Variants in RABGEF1 observed in about 807,000 individuals in gnomAD.
RABGEF1 encodes rab5 GDP/GTP exchange factor.
Under a neutral mutation model 57.3 loss-of-function variants are expected in RABGEF1, and 26 were observed. The ratio of observed to expected loss-of-function variants is 0.45; its 90% CI spans 0.33 to 0.63. The LOEUF is 0.63. Among genes scored for constraint, RABGEF1 ranks in the 20% least tolerant of loss-of-function variants. The pLI is 0.02. For missense variants in RABGEF1, 464 were observed against 607.6 expected (o/e 0.76, Z 2.48); for synonymous variants, 185 against 210.7 (o/e 0.88, Z 1.06).
chr7:66,662,489 A>G, the RABGEF1 span, among the ~76,000 whole-genome samples: 1 of 152,200 alleles, frequency 6.6e-6, no homozygotes, highest in African/African-American at 2.4e-5. Context: ...TACCTGTCCC[A>G]TGCCAGCTGA....
At chr7:66,728,826 GACC>G in intron 2 of RABGEF1, among the ~76,000 whole-genome samples, 1 of 888 alleles carries the variant, frequency 1.1e-3, no homozygotes. Context: ...CCATCCTCAA[GACC>G]ACCTTCACCT....
At chr7:66,748,986 G>T in intron 1 of RABGEF1, 1 of 191,868 alleles carries the variant, frequency 5.2e-6, no homozygotes, top group Non-Finnish European at 1.1e-5. Flanking sequence ...GGTTCCCTGA[G>T]GCTCTTGGTA....
At chr7:66,732,153 A>G (rs1030874007) in intron 2 of RABGEF1, among the ~76,000 whole-genome samples, 1 of 152,144 alleles carries the variant, frequency 6.6e-6, no homozygotes, top group Admixed American at 6.5e-5. Flanking sequence ...CTCTCTTCCT[A>G]TGGTCCAGGC....
At chr7:66,751,092 G>A (rs1332163878) in intron 1 of RABGEF1, among the ~76,000 whole-genome samples, 1 of 149,550 alleles carries the variant, frequency 6.7e-6, no homozygotes, top group Non-Finnish European at 1.5e-5. Context: ...GTGCAGTGGT[G>A]TGATCTTGGC....
chr7:66,721,982 C>A (rs995557163), intron 2 of RABGEF1, among the ~76,000 whole-genome samples: 3 of 151,966 alleles, frequency 2.0e-5, no homozygotes, highest in Non-Finnish European at 4.4e-5. Flanking sequence ...TGAGACCCCC[C>A]CTCCGTCTTT....
chr7:66,692,333 C>T (rs1584686665), intron 1 of RABGEF1, among the ~76,000 whole-genome samples: 1 of 152,176 alleles, frequency 6.6e-6, no homozygotes, highest in East Asian at 1.9e-4. Context: ...CCCTCTCTTA[C>T]CCATGCTTCC....
chr7:66,775,381 G>A lies in RABGEF1; in HGVS notation c.334G>A (p.Gly112Arg), dbSNP rs1457009754. The A allele has an allele frequency of 2.5e-6, 4 of 1,613,516 alleles. No homozygotes were observed. Among genetic ancestry groups the A allele is most frequent in the Non-Finnish European group, 3.4e-6 (4 of 1,179,718 alleles). The change falls in exon 3 of 9, where the codon GGA becomes AGA. Residue 112 changes from glycine (G) to arginine (R), a missense_variant. This residue lies in a region of RABGEF1 where 284 missense variants were observed against 389.9 expected (regional missense o/e 0.73). Coordinates refer to ENST00000284957, the MANE Select transcript of RABGEF1 (RefSeq NM_014504.3). ...ATTCTTCAGTGCATCTTCCAGGGTC[G>A]GATCAAAGAAGGGTAATGTTCTGAT... ...KKFFSASSRV[G>R]SKKEIQEAKA...
chr7:66,733,054 C>T (rs139942660), intron 2 of RABGEF1, among the ~76,000 whole-genome samples: 153 of 152,296 alleles, frequency 1.0e-3, no homozygotes, highest in African/African-American at 3.4e-3. Context: ...TCCTTAGCCG[C>T]GTAGTCAAGG....
upstream of RABGEF1, among the ~76,000 whole-genome samples, chr7:66,678,564 CAAAAAAAA>C (rs58309880): frequency 0.035 from 3,036 of 86,218 alleles, 66 homozygotes; most frequent in Non-Finnish European, 0.041. Context: ...GAGTCCGTCT[CAAAAAAAA>C]AAAAAAAAAA....
chr7:66,772,691 C>G (rs1807441107), intron 2 of RABGEF1, among the ~76,000 whole-genome samples: 1 of 152,060 alleles, frequency 6.6e-6, no homozygotes, highest in Non-Finnish European at 1.5e-5. Context: ...GGAGGATCAT[C>G]TGAGGTCAGG....
chr7:66,704,742 C>T (rs982816928), intron 1 of RABGEF1, among the ~76,000 whole-genome samples: 10 of 150,574 alleles, frequency 6.6e-5, no homozygotes, highest in African/African-American at 2.0e-4. Flanking sequence ...ACCCAGGAGG[C>T]GGAGTTTGCA....
At position 66,810,238 on chromosome 7, in the gene RABGEF1, T is replaced by A. The variant is rs1789271628; in HGVS notation, c.*954T>A. 1 of 152,152 alleles carries A rather than the reference T, an allele frequency of 6.6e-6. No individual in the cohort carries two copies. The highest frequency in any genetic ancestry group is 2.4e-5 in the African/African-American group (1 of 41,452). The allele number at this position is 152,152 out of a possible 1,614,324, so 9.4% of individuals were successfully genotyped here. ...ATTTGACTTTGCAAACGTCTAGACA[T>A]GTTTTCTGAACCTTTTTCAGGACAT... On this transcript the variant is annotated 3_prime_UTR_variant, in exon 9 of 9. Transcript: ENST00000284957.
At position 66,809,280 on chromosome 7, in the gene RABGEF1, G is replaced by A. The variant is rs937020517; in HGVS notation, c.1472G>A (p.Gly491Glu). The A allele has an allele frequency of 1.2e-6, 2 of 1,604,966 alleles. No homozygotes were observed. The highest frequency in any genetic ancestry group is 3.4e-5 in the Admixed American group (2 of 59,240). Residue 491 changes from glycine (G) to glutamate (E), a missense_variant, in exon 9 of 9, where the codon GGA becomes GAA. Physicochemically the swap from Gly to Glu is moderately conservative, Grantham distance 98. Transcript: ENST00000284957. ...CCACTGCAACCTCAAGTTTATGCAGGATGATCACAATTTAGTGGAGAGTAT... is the reference window on the plus strand; with the variant it reads ...CCACTGCAACCTCAAGTTTATGCAGAATGATCACAATTTAGTGGAGAGTAT... ...PPPLQPQVYAG is the reference protein window; with the variant it reads ...PPPLQPQVYAE
chr7:66,694,467 A>G (rs1056436718), intron 1 of RABGEF1, among the ~76,000 whole-genome samples: 39 of 152,252 alleles, frequency 2.6e-4, no homozygotes, highest in African/African-American at 8.9e-4. Context: ...GGAAAGGACC[A>G]GGCCACAGAG....
At chr7:66,757,124 G>C (rs978805445) in intron 1 of RABGEF1, among the ~76,000 whole-genome samples, 5 of 152,176 alleles carry the variant, frequency 3.3e-5, no homozygotes, top group African/African-American at 1.2e-4. Context: ...ATTTTGGAAT[G>C]TTTGACACTG....
chr7:66,695,090 TC>T (rs1792120286), intron 1 of RABGEF1, among the ~76,000 whole-genome samples: 1 of 151,934 alleles, frequency 6.6e-6, no homozygotes, highest in African/African-American at 2.4e-5. Flanking sequence ...GGCGGGCGGA[TC>T]ACTTGAGATC....
intron 1 of RABGEF1, among the ~76,000 whole-genome samples, chr7:66,701,323 A>C (rs1793225832): frequency 6.6e-6 from 1 of 151,854 alleles, no homozygotes; most frequent in South Asian, 2.1e-4. Context: ...ACATAGCGAG[A>C]CCTCCACCTC....
At position 66,809,036 on chromosome 7, in the gene RABGEF1, A is replaced by C. The variant is rs531578127; in HGVS notation, c.1228A>C (p.Met410Leu). 6.2e-7 allele frequency: 1 copy of C among 1,614,172 alleles called. No individual in the cohort carries two copies. The highest frequency in any genetic ancestry group is 2.2e-5 in the East Asian group (1 of 44,876). Residue 410 changes from methionine (M) to leucine (L), a missense_variant, in exon 9 of 9, where the codon ATG becomes CTG. This residue lies in a region of RABGEF1 where 151 missense variants were observed against 152.2 expected (regional missense o/e 0.99). Coordinates refer to ENST00000284957, the MANE Select transcript of RABGEF1 (RefSeq NM_014504.3). ...SPDACLGVKQ[M>L]YKNLDLLSQL... is the part of the protein sequence containing the mutation. Reference sequence around the variant, plus strand: ...TGATGCTTGCTTAGGCGTCAAGCAAATGTATAAGAACTTGGATCTCTTGTC... The same window carrying C: ...TGATGCTTGCTTAGGCGTCAAGCAACTGTATAAGAACTTGGATCTCTTGTC...
At chr7:66,656,812 CT>C in the RABGEF1 span, among the ~76,000 whole-genome samples, 80,330 of 130,170 alleles carry the variant, frequency 0.62, 25,206 homozygotes, top group African/African-American at 0.74. Flanking sequence ...AAGAGTGAAA[CT>C]GCATCTCAAA....
Sources: allele counts gnomAD v4.1 joint callset (sites outside exome capture counted in the v4.1 genomes callset), GRCh38; gene constraint gnomAD v4.1.1; regional missense constraint gnomAD v4.1.1; transcripts MANE v1.5; gene names NCBI Gene and HGNC (gene_info 2026-07-23, HGNC 2026-07-21).